The following CALD1 variants were observed in gnomAD, a reference collection of about 807,000 sequenced individuals.
The protein encoded by CALD1 is caldesmon.
In CALD1, 33 loss-of-function variants were observed where a neutral mutation model predicts 99.9. The ratio of observed to expected loss-of-function variants is 0.33; its 90% CI spans 0.25 to 0.44. CALD1 has a LOEUF of 0.44. CALD1 is among the 20% of genes least tolerant of loss of function. CALD1 has a pLI of 1.00. For missense variants in CALD1, 861 were observed against 962.1 expected (o/e 0.89, Z 1.39); for synonymous variants, 310 against 325.0 (o/e 0.95, Z 0.50).
chr7:134,851,452 G>A (rs1800077725), intron 2 of CALD1, among the ~76,000 whole-genome samples: 1 of 152,098 alleles, frequency 6.6e-6, no homozygotes, highest in Non-Finnish European at 1.5e-5. Context: ...AGGAAATCAG[G>A]AATCTGAGCA....
At chr7:134,717,170 C>A in the CALD1 span, among the ~76,000 whole-genome samples, 520 of 152,274 alleles carry the variant, frequency 3.4e-3, 4 homozygotes, top group African/African-American at 0.012. Context: ...TAGTGTGGTA[C>A]ACTTGTTAAA....
intron 7 of CALD1, chr7:134,944,656 G>C (rs1370285669): frequency 6.6e-6 from 1 of 152,064 alleles, no homozygotes; most frequent in Non-Finnish European, 1.5e-5. Flanking sequence ...AATGATGTTA[G>C]GGTGTGATAA....
intron 4 of CALD1, among the ~76,000 whole-genome samples, chr7:134,932,102 T>A (rs891696281): frequency 6.6e-6 from 1 of 152,210 alleles, no homozygotes; most frequent in Non-Finnish European, 1.5e-5. Context: ...GTTTGTTCAT[T>A]GCCTTGGTTG....
rs1022089942 is a variant in CALD1 at position 134,941,182 on chromosome 7, T to C, written c.1477T>C (p.Ser493Pro). 4 of 1,612,976 alleles carry C rather than the reference T, an allele frequency of 2.5e-6. No homozygotes were observed. The highest frequency in any genetic ancestry group is 3.4e-6 in the Non-Finnish European group (4 of 1,179,614). Reference protein sequence around the residue: ...DRKKGFTEVKSQNGEFMTHKL... With the variant: ...DRKKGFTEVKPQNGEFMTHKL... ...AAAGAAGGGATTTACAGAAGTTAAGTCGCAGAATGGAGAATTCATGACCCA... is the reference window on the plus strand; with the variant it reads ...AAAGAAGGGATTTACAGAAGTTAAGCCGCAGAATGGAGAATTCATGACCCA... Residue 493 changes from serine to proline, a missense_variant, in exon 7 of 15, where the codon TCG becomes CCG. Ser to Pro is a moderately conservative substitution (Grantham distance 74). This residue lies in a region of CALD1 where 293 missense variants were observed against 262.7 expected (regional missense o/e 1.12). Transcript: ENST00000361675.
chr7:134,881,076 C>G (rs990365722), intron 3 of CALD1, among the ~76,000 whole-genome samples: 4 of 152,188 alleles, frequency 2.6e-5, no homozygotes, highest in African/African-American at 9.7e-5. Flanking sequence ...TGTCAGTTTT[C>G]CATGAGAACT....
At chr7:134,736,919 C>G in the CALD1 span, among the ~76,000 whole-genome samples, 3 of 152,026 alleles carry the variant, frequency 2.0e-5, no homozygotes, top group African/African-American at 7.2e-5. Flanking sequence ...ATTTTTCAAC[C>G]CTTTATTTTT....
chr7:134,920,441 A>G, intron 3 of CALD1: 1 of 933,494 alleles, frequency 1.1e-6, no homozygotes, highest in Non-Finnish European at 1.3e-6. Flanking sequence ...ACCAATAATG[A>G]TGGGAATCAA....
At position 134,801,633 on chromosome 7, in the gene CALD1, T is replaced by C. The variant is rs187083396; in HGVS notation, c.-130+21884T>C. Reference sequence around the variant, plus strand: ...TTTTCTTCTCTCTCTCTCTCTCTCTTTTTTGAAACAGGGTCTCACTCTGTC... The same window carrying C: ...TTTTCTTCTCTCTCTCTCTCTCTCTCTTTTGAAACAGGGTCTCACTCTGTC... On this transcript the variant is annotated intron_variant, in intron 1 of 14. Transcript: ENST00000361675. Among the ~76,000 whole-genome samples the C allele has an allele frequency of 2.6e-5, 4 of 151,964 alleles. No homozygotes were observed. The South Asian group carries it at 6.2e-4, about 24-fold the overall frequency.
intron 1 of CALD1, among the ~76,000 whole-genome samples, chr7:134,804,479 T>G (rs28485360): frequency 0.6 from 91,207 of 152,072 alleles, 27,828 homozygotes; most frequent in East Asian, 0.91. Context: ...GTGCACAGCT[T>G]GCTGTTCTAA....
At position 134,762,126 on chromosome 7, in the gene CALD1, G is replaced by A. The variant is rs79921044; in HGVS notation, c.-130+17763G>A. 3.6e-3 allele frequency among the ~76,000 whole-genome samples: 555 copies of A among 152,262 alleles called. 3 individuals are homozygous for A. Among genetic ancestry groups the A allele is most frequent in the African/African-American group, 0.012 (518 of 41,568 alleles). ...TTAGTTGGACTACAGTTGAATCTTC[G>A]GTTGAATCTTGGACCTTATTACTGC... On this transcript the variant is annotated intron_variant, in intron 1 of 13. Coordinates refer to the CALD1 transcript ENST00000417172.
chr7:134,836,402 T>C (rs544861902), intron 1 of CALD1, among the ~76,000 whole-genome samples: 2 of 152,294 alleles, frequency 1.3e-5, no homozygotes, highest in Non-Finnish European at 2.9e-5. Flanking sequence ...GAAACTTAGG[T>C]AACTTAACAT....
intron 3 of CALD1, among the ~76,000 whole-genome samples, chr7:134,912,570 C>G (rs575858521): frequency 6.6e-6 from 1 of 152,176 alleles, no homozygotes; most frequent in Non-Finnish European, 1.5e-5. Context: ...AATCTCACTG[C>G]TTTTCAGAAG....
intron 1 of CALD1, among the ~76,000 whole-genome samples, chr7:134,752,699 T>G (rs77484226): frequency 2.6e-5 from 4 of 152,108 alleles, no homozygotes; most frequent in Non-Finnish European, 5.9e-5. Context: ...TAGCACCGAT[T>G]ATCAAAAATA....
Position 134,933,048 on chromosome 7 carries a change from G to C in CALD1, c.279G>C (p.Glu93Asp). The C allele has an allele frequency of 6.2e-7, 1 of 1,613,878 alleles. No homozygotes were observed. Among genetic ancestry groups the C allele is most frequent in the Non-Finnish European group, 8.5e-7 (1 of 1,179,942 alleles). ...TTNTQVEGDD[E>D]AAFLERLARR... is the part of the protein sequence containing the mutation. ...ACACTCAAGTGGAAGGGGATGATGAGGCCGCATTCCTGGAGCGCCTGGCTC... is the reference window on the plus strand; with the variant it reads ...ACACTCAAGTGGAAGGGGATGATGACGCCGCATTCCTGGAGCGCCTGGCTC... Residue 93 changes from glutamate to aspartate, a missense_variant, in exon 5 of 15, where the codon GAG (glutamate) becomes GAC (aspartate). Physicochemically the swap from Glu to Asp is conservative, Grantham distance 45. Transcript: ENST00000361675.
Position 134,794,478 on chromosome 7 carries a change from A to G in CALD1, c.-130+14729A>G, listed in dbSNP as rs902984687. ...TACCAAAGGCCTAGCAATGGCTGCCATAGGTTTTTTGTTGTTGTTGTCAAT... is the reference window on the plus strand; with the variant it reads ...TACCAAAGGCCTAGCAATGGCTGCCGTAGGTTTTTTGTTGTTGTTGTCAAT... On this transcript the variant is annotated intron_variant, in intron 1 of 14. Coordinates refer to ENST00000361675, the MANE Select transcript of CALD1 (RefSeq NM_033138.4). Among the ~76,000 whole-genome samples, 4 of 152,222 alleles carry G rather than the reference A, an allele frequency of 2.6e-5. No homozygotes were observed. In the East Asian group the frequency reaches 7.7e-4, roughly 29 times the overall value.
At chr7:134,939,008 G>A (rs3800750) in intron 6 of CALD1, among the ~76,000 whole-genome samples, 9 of 152,192 alleles carry the variant, frequency 5.9e-5, no homozygotes, top group East Asian at 3.8e-4. Context: ...GCTCCTACTC[G>A]GAATTTATTT....
chr7:134,846,965 A>G (rs1309774325), intron 2 of CALD1, among the ~76,000 whole-genome samples: 1 of 152,248 alleles, frequency 6.6e-6, no homozygotes. Flanking sequence ...TTTGCAATCC[A>G]TGAATGGTCT....
chr7:134,955,058 T>G (rs1464897054), intron 9 of CALD1, among the ~76,000 whole-genome samples: 1 of 152,220 alleles, frequency 6.6e-6, no homozygotes, highest in Non-Finnish European at 1.5e-5. Flanking sequence ...TTTATATACT[T>G]TACTAGTCTT....
chr7:134,761,778 TAGAAA>T (rs1405482012), intron 1 of CALD1, among the ~76,000 whole-genome samples: 1 of 152,188 alleles, frequency 6.6e-6, no homozygotes, highest in East Asian at 1.9e-4. Context: ...CATGGGGATA[TAGAAA>T]AGAAAAGTGA....
Sources: gnomAD v4.1 joint callset for allele counts (sites outside exome capture counted in the v4.1 genomes callset) on GRCh38, gnomAD v4.1.1 for gene constraint, gnomAD v4.1.1 regional missense constraint, MANE v1.5 for transcripts, NCBI Gene and HGNC (gene_info 2026-07-23, HGNC 2026-07-21) for gene names.